BDP1: variants seen among roughly 807,000 people sequenced by gnomAD.
BDP1 encodes transcription factor TFIIIB component B'' homolog.
A neutral mutation model predicts 266.6 loss-of-function variants in BDP1; 169 were observed. That is an observed-to-expected ratio of 0.63 (90% CI 0.56 to 0.72). The LOEUF is 0.72. Ranked by LOEUF, BDP1 falls within the 30% of genes least tolerant of loss-of-function variation. The pLI, the probability that BDP1 is intolerant of heterozygous loss-of-function variation, is 0.00. For synonymous variants in BDP1, 1,090 were observed against 1,022.4 expected (o/e 1.07, Z -1.26); for missense variants, 3,015 against 3,053.8 (o/e 0.99, Z 0.30).
chr5:71,471,323 G>A (rs145753416), intron 7 of BDP1, among the ~76,000 whole-genome samples: 131 of 151,850 alleles, frequency 8.6e-4, no homozygotes, highest in African/African-American at 3.0e-3. Context: ...TTTATTTTTC[G>A]TAGAGAGGGG....
chr5:71,479,555 C>CT lies in BDP1; in HGVS notation c.1015-4278dup, dbSNP rs935733501. 8.9e-5 allele frequency among the ~76,000 whole-genome samples: 13 copies of CT among 145,270 alleles called. No homozygotes were observed. The East Asian group carries it at 1.2e-3, about 14-fold the overall frequency. The stretch of plus-strand genomic sequence containing the variant: ...CAGGGAATGGGATCTTTTTCTTTTT[C>CT]TTTTTTTTTGAGGCGGAGTCTCGCT... On this transcript the variant is annotated intron_variant, in intron 7 of 38. Coordinates refer to ENST00000358731, the MANE Select transcript of BDP1 (RefSeq NM_018429.3).
intron 30 of BDP1, among the ~76,000 whole-genome samples, chr5:71,543,316 G>C (rs1767083479): frequency 6.6e-6 from 1 of 152,154 alleles, no homozygotes; most frequent in African/African-American, 2.4e-5. Context: ...AATCAGGCTG[G>C]GCACGGTGGT....
At chr5:71,531,821 C>T (rs531010610) in intron 25 of BDP1, among the ~76,000 whole-genome samples, 1 of 152,246 alleles carries the variant, frequency 6.6e-6, no homozygotes, top group South Asian at 2.1e-4. Flanking sequence ...ATAAATACTT[C>T]TAAGGGCTTT....
downstream of BDP1, among the ~76,000 whole-genome samples, chr5:71,572,075 C>G (rs1744283027): frequency 6.6e-6 from 1 of 152,192 alleles, no homozygotes; most frequent in Non-Finnish European, 1.5e-5. Context: ...TTGAGGTTAT[C>G]TACTGGGACG....
At chr5:71,490,020 C>T (rs1763493649) in intron 10 of BDP1, among the ~76,000 whole-genome samples, 1 of 152,124 alleles carries the variant, frequency 6.6e-6, no homozygotes, top group Non-Finnish European at 1.5e-5. Flanking sequence ...CATGTTGTAC[C>T]TCTACAGAGC....
rs1393440600 is a variant in BDP1 at position 71,491,259 on chromosome 5, A to G, written c.1640+128A>G. 9 of 856,562 alleles carry G rather than the reference A, an allele frequency of 1.1e-5. 1 individual carries two copies. In the South Asian group the frequency reaches 1.4e-4, roughly 13 times the overall value. The allele number at this position is 856,562 out of a possible 1,614,324, so 53.1% of individuals were successfully genotyped here. ...TCAGTTCTATTTGTTTTTGCTCCAT[A>G]TATTTTGAAGCTCTGTTGTTAGGTG... On this transcript the variant is annotated intron_variant, in intron 11 of 38. Coordinates refer to ENST00000358731, the MANE Select transcript of BDP1 (RefSeq NM_018429.3).
chr5:71,479,992 T>A (rs1244589329), intron 7 of BDP1, among the ~76,000 whole-genome samples: 1 of 149,666 alleles, frequency 6.7e-6, no homozygotes, highest in African/African-American at 2.5e-5. Context: ...TCACCCAGTC[T>A]AGAGTATAGT....
intron 35 of BDP1, among the ~76,000 whole-genome samples, chr5:71,555,304 G>C (rs1743135588): frequency 6.6e-6 from 1 of 152,030 alleles, no homozygotes; most frequent in African/African-American, 2.4e-5. Context: ...AGGAAATTCT[G>C]CTTTTATCAG....
At chr5:71,527,700 G>A (rs534885541) in intron 25 of BDP1, among the ~76,000 whole-genome samples, 17 of 152,026 alleles carry the variant, frequency 1.1e-4, no homozygotes, top group Non-Finnish European at 2.4e-4. Flanking sequence ...CCTTTTGGCT[G>A]TTAGAAATAA....
chr5:71,521,938 A>C (rs1186187236), intron 22 of BDP1, among the ~76,000 whole-genome samples: 1 of 149,880 alleles, frequency 6.7e-6, no homozygotes, highest in Non-Finnish European at 1.5e-5. Flanking sequence ...TGCCATTATG[A>C]AATCCATCTT....
chr5:71,502,183 CT>C (rs2150443093), intron 14 of BDP1, among the ~76,000 whole-genome samples: 1 of 143,960 alleles, frequency 6.9e-6, no homozygotes, highest in South Asian at 2.2e-4. Context: ...CTTTTTTTTT[CT>C]CTCTCTTTTT....
chr5:71,474,246 C>T (rs140034901), intron 7 of BDP1, among the ~76,000 whole-genome samples: 73 of 152,104 alleles, frequency 4.8e-4, no homozygotes, highest in African/African-American at 1.7e-3. Flanking sequence ...TCCCAAAGTG[C>T]TAAGATTACA....
intron 26 of BDP1, among the ~76,000 whole-genome samples, chr5:71,537,149 C>CAAAAAAAAAAAAAAAAAAAAAAAAAACA (rs70992979): frequency 1.2e-5 from 1 of 82,448 alleles, no homozygotes; most frequent in Admixed American, 1.6e-4. Context: ...ACCAAAAAAC[C>CAAAAAAAAAAAAAAAAAAAAAAAAAACA]AAAAAAAAAA....
intron 30 of BDP1, among the ~76,000 whole-genome samples, chr5:71,543,534 A>G (rs1767096311): frequency 6.6e-6 from 1 of 152,242 alleles, no homozygotes; most frequent in Non-Finnish European, 1.5e-5. Context: ...GTAAATTGTG[A>G]TATTGCCACT....
chr5:71,501,280 A>T (rs552980668), intron 13 of BDP1, among the ~76,000 whole-genome samples: 2 of 152,176 alleles, frequency 1.3e-5, no homozygotes, highest in East Asian at 3.9e-4. Flanking sequence ...CGTTCAAAGA[A>T]TTCTCCTGCC....
chr5:71,570,996 A>G (rs974578610), downstream of BDP1, among the ~76,000 whole-genome samples: 1 of 152,238 alleles, frequency 6.6e-6, no homozygotes, highest in African/African-American at 2.4e-5. Flanking sequence ...TAAAAATAAC[A>G]ATACAACTAT....
chr5:71,541,719 A>C, intron 29 of BDP1, 37 bp downstream of exon 29: 1 of 1,285,216 alleles, frequency 7.8e-7, no homozygotes, highest in Non-Finnish European at 1.1e-6. Context: ...TATTACTAAA[A>C]CCACCATCAA....
rs551525132 is a variant in BDP1, at chr5:71,565,535, A to G, written c.*650A>G. 6.6e-6 allele frequency: 1 copy of G among 152,622 alleles called. No individual in the cohort carries two copies. Among genetic ancestry groups the G allele is most frequent in the African/African-American group, 2.4e-5 (1 of 41,562 alleles). The allele number at this position is 152,622 out of a possible 1,614,324, so 9.5% of individuals were successfully genotyped here. On this transcript the variant is annotated 3_prime_UTR_variant, in exon 39 of 39. Coordinates refer to ENST00000358731, the MANE Select transcript of BDP1 (RefSeq NM_018429.3). ...ACTTACTATTGTGTTACAACTGCCT[A>G]CAGTATTCAGCATAGTAACACATTG... is the stretch of plus-strand genomic sequence containing the variant.
the BDP1 span, among the ~76,000 whole-genome samples, chr5:71,573,419 A>G: frequency 2.6e-5 from 4 of 152,072 alleles, no homozygotes; most frequent in Non-Finnish European, 4.4e-5. Flanking sequence ...TGCTTTTCCT[A>G]TTTCCATAAG....
Sources: gnomAD v4.1 joint callset for allele counts (sites outside exome capture counted in the v4.1 genomes callset) on GRCh38, gnomAD v4.1.1 for gene constraint, MANE v1.5 for transcripts, NCBI Gene and HGNC (gene_info 2026-07-23, HGNC 2026-07-21) for gene names.